LMTK2: variants seen among roughly 807,000 people sequenced by gnomAD.
LMTK2 encodes the protein serine/threonine-protein kinase LMTK2.
LMTK2 carries 37 observed loss-of-function variants against 127.5 expected under a neutral mutation model. The observed-to-expected ratio is 0.29, with a 90% CI of 0.22 to 0.38. The LOEUF is 0.38. Among genes scored for constraint, LMTK2 ranks in the 10% least tolerant of loss-of-function variants. The pLI, the probability that LMTK2 is intolerant of heterozygous loss-of-function variation, is 1.00. For synonymous variants in LMTK2, 819 were observed against 810.1 expected (o/e 1.01, Z -0.19); for missense variants, 1,694 against 1,920.3 (o/e 0.88, Z 2.20).
chr7:98,113,751 A>T (rs1352335767), intron 1 of LMTK2, among the ~76,000 whole-genome samples: 1 of 152,160 alleles, frequency 6.6e-6, no homozygotes, highest in African/African-American at 2.4e-5. Context: ...GAATCTTCTT[A>T]TGAAGATACT....
In LMTK2 at chr7:98,192,758, A is replaced by G; in HGVS notation, c.2293A>G (p.Asn765Asp). The G allele has an allele frequency of 6.2e-7, 1 of 1,613,740 alleles. No homozygotes were observed. The highest frequency in any genetic ancestry group is 8.5e-7 in the Non-Finnish European group (1 of 1,179,848). Reference protein sequence around the residue: ...TEAMLETSCRNSLDTELQFAE... With the variant: ...TEAMLETSCRDSLDTELQFAE... ...AGCTATGTTAGAAACGTCATGTAGA[A>G]ACTCTTTAGATACTGAGCTTCAGTT... Residue 765 changes from asparagine to aspartate, a missense_variant, in exon 11 of 14, where the codon AAC (asparagine) becomes GAC (aspartate). Physicochemically the swap from Asn to Asp is conservative, Grantham distance 23. Transcript: ENST00000297293.
At chr7:98,136,999 A>T (rs1476861516) in intron 1 of LMTK2, among the ~76,000 whole-genome samples, 2 of 152,242 alleles carry the variant, frequency 1.3e-5, no homozygotes, top group African/African-American at 4.8e-5. Flanking sequence ...CCTGAAGTTC[A>T]CTTCATAGCC....
chr7:98,158,516 G>A (rs1796963317), intron 5 of LMTK2, among the ~76,000 whole-genome samples: 1 of 151,978 alleles, frequency 6.6e-6, no homozygotes, highest in African/African-American at 2.4e-5. Flanking sequence ...TGTATATACA[G>A]TTGGCCCTCT....
intron 2 of LMTK2, among the ~76,000 whole-genome samples, chr7:98,138,609 C>CTAT (rs1458601957): frequency 6.6e-6 from 1 of 152,174 alleles, no homozygotes; most frequent in Non-Finnish European, 1.5e-5. Flanking sequence ...GCTGACGGCA[C>CTAT]TAGTAGTAGG....
chr7:98,142,104 A>ATTCT, intron 3 of LMTK2, among the ~76,000 whole-genome samples: 1 of 152,290 alleles, frequency 6.6e-6, no homozygotes, highest in South Asian at 2.1e-4. Context: ...GTCTTAAGAA[A>ATTCT]TTCTTATTCT....
At chr7:98,156,691 T>C (rs1246264094) in intron 5 of LMTK2, among the ~76,000 whole-genome samples, 1 of 152,196 alleles carries the variant, frequency 6.6e-6, no homozygotes, top group Non-Finnish European at 1.5e-5. Context: ...AGGATGTGTA[T>C]GTACATGTAT....
rs1042066160 is a variant in LMTK2 at position 98,130,775 on chromosome 7, G to A, written c.104-6540G>A. Among the ~76,000 whole-genome samples the A allele has an allele frequency of 8.8e-4, 134 of 152,204 alleles. 1 individual carries two copies. Among genetic ancestry groups the A allele is most frequent in the African/African-American group, 3.0e-3 (125 of 41,444 alleles). ...ACCCTGCCACCACAGCCCTCAGAAG[G>A]AGCCCATCCTGCTGCCACCTTGATC... On this transcript the variant is annotated intron_variant, in intron 1 of 13. Transcript: ENST00000297293.
At chr7:98,144,021 A>G (rs1329281029) in intron 3 of LMTK2, among the ~76,000 whole-genome samples, 1 of 152,228 alleles carries the variant, frequency 6.6e-6, no homozygotes, top group Non-Finnish European at 1.5e-5. Context: ...TATACCACAT[A>G]CAAGCAATTC....
chr7:98,197,926 G>A (rs1324052422), intron 11 of LMTK2, among the ~76,000 whole-genome samples: 3 of 152,168 alleles, frequency 2.0e-5, no homozygotes, highest in African/African-American at 7.2e-5. Context: ...TTGTTTGTTT[G>A]CTGGCACTGT....
chr7:98,161,483 G>A (rs190155925), intron 6 of LMTK2, among the ~76,000 whole-genome samples: 254 of 152,200 alleles, frequency 1.7e-3, no homozygotes, highest in African/African-American at 5.8e-3. Context: ...TGGAGATACC[G>A]AGACTCAGTG....
chr7:98,177,648 A>G (rs532972171), intron 7 of LMTK2, among the ~76,000 whole-genome samples: 123 of 152,204 alleles, frequency 8.1e-4, no homozygotes, highest in African/African-American at 2.7e-3. Context: ...GACTATACAT[A>G]TGCACCATCA....
At chr7:98,131,627 T>C (rs1410845098) in intron 1 of LMTK2, among the ~76,000 whole-genome samples, 1 of 152,248 alleles carries the variant, frequency 6.6e-6, no homozygotes, top group East Asian at 1.9e-4. Flanking sequence ...TCTGTCTTTC[T>C]GTGTTATCAG....
At chr7:98,140,118 CT>C (rs1796657623) in intron 2 of LMTK2, among the ~76,000 whole-genome samples, 1 of 11,556 alleles carries the variant, frequency 8.7e-5, no homozygotes, top group Non-Finnish European at 2.8e-4. Flanking sequence ...TTCTTTCTTT[CT>C]TTCTTTCTTT....
At chr7:98,156,108 A>G (rs1044416737) in intron 5 of LMTK2, among the ~76,000 whole-genome samples, 1 of 152,236 alleles carries the variant, frequency 6.6e-6, no homozygotes, top group Non-Finnish European at 1.5e-5. Context: ...AAATAAGCAC[A>G]TGAAAAGACG....
In LMTK2 at chr7:98,141,560, A is replaced by C; in HGVS notation, c.376+19A>C. ...TCTGTAGGTAAGACCATACAGCCTA[A>C]TGCCACGTTTTCATGAATTGTTTCT... On this transcript the variant is annotated intron_variant, in intron 3 of 13. Transcript: ENST00000297293. The C allele has an allele frequency of 6.2e-7, 1 of 1,607,054 alleles. No homozygotes were observed. Among genetic ancestry groups the C allele is most frequent in the African/African-American group, 1.3e-5 (1 of 74,740 alleles).
At position 98,171,624 on chromosome 7, in the gene LMTK2, C is replaced by T. The variant is rs34781815; in HGVS notation, c.741C>T (p.Cys247=). Reference sequence around the variant, plus strand: ...CCATGCTGCTGCAGAGGATGGCGTGCGAGGTCGCCGCGGGGCTGGCCGCCA... The same window carrying T: ...CCATGCTGCTGCAGAGGATGGCGTGTGAGGTCGCCGCGGGGCTGGCCGCCA... ...SQTMLLQRMA[C]EVAAGLAAMH... Residue 247 remains cysteine, a synonymous_variant, in exon 7 of 14, where the codon TGC becomes TGT. Coordinates refer to ENST00000297293, the MANE Select transcript of LMTK2 (RefSeq NM_014916.4). The surrounding 1 kb of genome is among the most constrained non-coding windows in gnomAD (Gnocchi z 5.1). The T allele has an allele frequency of 3.6e-3, 5,746 of 1,610,052 alleles. 181 individuals are homozygous for T. In the African/African-American group the frequency reaches 0.066, roughly 18 times the overall value.
intron 4 of LMTK2, among the ~76,000 whole-genome samples, chr7:98,151,741 G>A (rs1796859640): frequency 6.6e-6 from 1 of 152,218 alleles, no homozygotes; most frequent in Non-Finnish European, 1.5e-5. Context: ...CAATCCTGGA[G>A]GCTGGGAAGT....
At chr7:98,127,234 G>C (rs1031353675) in intron 1 of LMTK2, among the ~76,000 whole-genome samples, 2 of 152,208 alleles carry the variant, frequency 1.3e-5, no homozygotes, top group African/African-American at 4.8e-5. Flanking sequence ...GTAGTGTGAT[G>C]ATGATTCATT....
chr7:98,152,239 G>A (rs141844100), intron 4 of LMTK2, among the ~76,000 whole-genome samples: 161 of 152,126 alleles, frequency 1.1e-3, no homozygotes, highest in Non-Finnish European at 1.9e-3. Context: ...TTTTTTTATC[G>A]TAGATGGCTC....
Sources: gnomAD v4.1 joint callset for allele counts (sites outside exome capture counted in the v4.1 genomes callset) on GRCh38, gnomAD v4.1.1 for gene constraint, Gnocchi (gnomAD v3.1) non-coding constraint, MANE v1.5 for transcripts, NCBI Gene and HGNC (gene_info 2026-07-23, HGNC 2026-07-21) for gene names.